The following RGS12 variants were observed in gnomAD, a reference collection of about 807,000 sequenced individuals.
The protein encoded by RGS12 is regulator of G-protein signaling 12.
RGS12 carries 66 observed loss-of-function variants against 120.1 expected under a neutral mutation model. The ratio of observed to expected loss-of-function variants is 0.55; its 90% CI spans 0.45 to 0.67. The LOEUF (loss-of-function observed/expected upper bound fraction) is 0.67, where lower values mean the gene tolerates loss of function less well. Among genes scored for constraint, RGS12 ranks in the 30% least tolerant of loss-of-function variants. The probability of loss-of-function intolerance (pLI) is 0.00; values close to 1 mark genes in which losing one functional copy is unlikely to be tolerated. For synonymous variants in RGS12, 827 were observed against 804.7 expected (o/e 1.03, Z -0.47); for missense variants, 1,859 against 1,957.7 (o/e 0.95, Z 0.95).
intron 16 of RGS12, among the ~76,000 whole-genome samples, chr4:3,429,046 C>T (rs1357552861): frequency 6.6e-6 from 1 of 152,236 alleles, no homozygotes; most frequent in African/African-American, 2.4e-5. Context: ...GTGCCAGGGT[C>T]CCCAGCGTGA....
chr4:3,414,685 G>A (rs544756169), intron 5 of RGS12, 67 bp from the exon 6 acceptor site: 9 of 1,163,160 alleles, frequency 7.7e-6, no homozygotes, highest in African/African-American at 1.5e-5. Flanking sequence ...GGTTTCTGTA[G>A]AAGGGGAAGT....
intron 3 of RGS12, among the ~76,000 whole-genome samples, chr4:3,350,494 C>A (rs559399243): frequency 1.3e-5 from 2 of 152,106 alleles, no homozygotes; most frequent in Admixed American, 1.3e-4. Flanking sequence ...CCAGCCTGGG[C>A]AACATGGCAA....
Position 3,430,851 on chromosome 4 carries a change from T to C in RGS12, c.4010T>C (p.Val1337Ala), listed in dbSNP as rs1211833839. The C allele has an allele frequency of 1.2e-6, 2 of 1,611,956 alleles. No homozygotes were observed. Among genetic ancestry groups the C allele is most frequent in the South Asian group, 1.1e-5 (1 of 90,908 alleles). The change falls in exon 17 of 18, where the codon GTG becomes GCG. Residue 1337 changes from valine (V) to alanine (A), a missense_variant. By Grantham distance (64) the Val-to-Ala change is moderately conservative. Around this residue, in one of 3 missense-constraint regions of RGS12, gnomAD observed 517 missense variants for 488.5 expected, o/e 1.06. Transcript: ENST00000336727. The stretch of plus-strand genomic sequence containing the variant: ...ATCCAGACGGTGGAGGATGAGCACG[T>C]GGCCGAGCTGACCCTGATGGGGGAG... ...GGIQTVEDEH[V>A]AELTLMGEGD...
intron 3 of RGS12, among the ~76,000 whole-genome samples, chr4:3,362,233 A>G (rs1183696577): frequency 1.3e-5 from 2 of 152,178 alleles, no homozygotes; most frequent in African/African-American, 4.8e-5. Context: ...GACCCTGCCC[A>G]AGCCAGGCAG....
chr4:3,427,748 AAAAG>A (rs953964490), intron 14 of RGS12, among the ~76,000 whole-genome samples: 12 of 152,330 alleles, frequency 7.9e-5, no homozygotes, highest in African/African-American at 1.4e-4. Context: ...AAAAAGAAAA[AAAAG>A]AAAGAAAAGA....
At chr4:3,348,892 T>A (rs1285177881) in intron 3 of RGS12, among the ~76,000 whole-genome samples, 1 of 152,166 alleles carries the variant, frequency 6.6e-6, no homozygotes, top group Non-Finnish European at 1.5e-5. Flanking sequence ...CAGATTCACC[T>A]GGAGAGGAAG....
intron 3 of RGS12, among the ~76,000 whole-genome samples, chr4:3,364,115 T>C (rs1300969523): frequency 6.6e-6 from 1 of 152,204 alleles, no homozygotes; most frequent in Non-Finnish European, 1.5e-5. Flanking sequence ...ACCAGGAAAA[T>C]AAGCAGGATT....
At chr4:3,405,123 C>T (rs1384982530) in intron 4 of RGS12, among the ~76,000 whole-genome samples, 3 of 152,322 alleles carry the variant, frequency 2.0e-5, no homozygotes, top group African/African-American at 4.8e-5. Context: ...GAGCAGAATA[C>T]AGCTGAACAG....
intron 2 of RGS12, among the ~76,000 whole-genome samples, chr4:3,339,002 C>T (rs1304705127): frequency 3.9e-5 from 6 of 152,192 alleles, no homozygotes; most frequent in African/African-American, 1.2e-4. Flanking sequence ...TACTGGCCCT[C>T]GTTCCATGAG....
At chr4:3,415,106 G>A (rs1271336347) in intron 6 of RGS12, among the ~76,000 whole-genome samples, 6 of 142,930 alleles carry the variant, frequency 4.2e-5, no homozygotes, top group East Asian at 2.3e-4. Context: ...GTGAGAGGTC[G>A]CGTGTGAGAG....
Position 3,387,305 on chromosome 4 carries a change from C to T in RGS12, c.2020+868C>T, listed in dbSNP as rs922584602. ...TGTGCGTTAAAGAGAAACCAAATGTCGTTCTCTCACTTTCTGTGGTCCTGC... is the reference window on the plus strand; with the variant it reads ...TGTGCGTTAAAGAGAAACCAAATGTTGTTCTCTCACTTTCTGTGGTCCTGC... On this transcript the variant is annotated intron_variant, in intron 4 of 17. Coordinates refer to ENST00000336727, the MANE Select transcript of RGS12 (RefSeq NM_001394154.1). Among the ~76,000 whole-genome samples, 5 of 152,220 alleles carry T rather than the reference C, an allele frequency of 3.3e-5. No individual in the cohort carries two copies. In the South Asian group the frequency reaches 6.2e-4, roughly 19 times the overall value.
intron 3 of RGS12, among the ~76,000 whole-genome samples, chr4:3,375,040 G>C (rs1717491375): frequency 6.6e-6 from 1 of 152,196 alleles, no homozygotes; most frequent in Non-Finnish European, 1.5e-5. Flanking sequence ...GGGCAGAGCA[G>C]TTCATAACCC....
chr4:3,414,855 G>C lies in RGS12; in HGVS notation c.2283+11G>C, dbSNP rs201389750. On this transcript the variant is annotated intron_variant, in intron 6 of 17. Coordinates refer to ENST00000336727, the MANE Select transcript of RGS12 (RefSeq NM_001394154.1). ...CATGACAAAAAGGAGGTAAGTCCAC[G>C]CTTGGGAAGTGGGGGCTGTGTGAGA... 3.3e-5 allele frequency: 52 copies of C among 1,597,644 alleles called. No homozygotes were observed. Among genetic ancestry groups the C allele is most frequent in the Non-Finnish European group, 4.1e-5 (48 of 1,165,068 alleles).
In RGS12 at chr4:3,372,727, C is replaced by G. The variant is rs1447180041; in HGVS notation, c.1999-13689C>G. On this transcript the variant is annotated intron_variant, in intron 3 of 17. Transcript: ENST00000336727. This position sits in a 1 kb window ranked among gnomAD's most constrained non-coding sequence, Gnocchi z 4.3. ...GAAACTTTGTTTCTCAAGGCAAAGC[C>G]CTTTAGAGACTTGGGAGCACATGAG... Among the ~76,000 whole-genome samples the G allele has an allele frequency of 1.3e-5, 2 of 152,302 alleles. No homozygotes were observed. Among genetic ancestry groups the G allele is most frequent in the East Asian group, 1.9e-4 (1 of 5,190 alleles).
intron 2 of RGS12, among the ~76,000 whole-genome samples, chr4:3,339,077 A>C (rs1003994603): frequency 6.6e-6 from 1 of 152,054 alleles, no homozygotes; most frequent in Non-Finnish European, 1.5e-5. Context: ...TCTCCTTTAC[A>C]TCTCCAAAGT....
rs1456014020 is a variant in RGS12, at chr4:3,433,832, GT to G, written c.4114+2878del. 2.6e-5 allele frequency among the ~76,000 whole-genome samples: 4 copies of G among 152,100 alleles called. No individual in the cohort carries two copies. Among genetic ancestry groups the G allele is most frequent in the African/African-American group, 9.7e-5 (4 of 41,434 alleles). On this transcript the variant is annotated intron_variant, in intron 17 of 17. Transcript: ENST00000336727. The surrounding 1 kb of genome is among the most constrained non-coding windows in gnomAD (Gnocchi z 4.4). ...GACCATGCACCATGCAGGCTGGCCG[GT>G]GCCCCCATGCATGTCTGGTCCCGGG...
chr4:3,428,196 T>C (rs1418501164), intron 15 of RGS12, 27 bp downstream of exon 15: 1 of 1,598,682 alleles, frequency 6.3e-7, no homozygotes, highest in South Asian at 1.1e-5. Context: ...GCCCACCCTG[T>C]GCCCTGCTCC....
At chr4:3,329,158 A>G (rs1341336630) in intron 2 of RGS12, among the ~76,000 whole-genome samples, 2 of 152,152 alleles carry the variant, frequency 1.3e-5, no homozygotes, top group African/African-American at 4.8e-5. Flanking sequence ...CTGTGGGTCA[A>G]GAAGAGGAGA....
chr4:3,408,493 T>A (rs972037094), intron 4 of RGS12, among the ~76,000 whole-genome samples: 4 of 152,188 alleles, frequency 2.6e-5, no homozygotes, highest in African/African-American at 7.2e-5. Context: ...CCAGATGGAA[T>A]CGTAAAAATT....
Sources: gnomAD v4.1 joint callset for allele counts (sites outside exome capture counted in the v4.1 genomes callset) on GRCh38, gnomAD v4.1.1 for gene constraint, gnomAD v4.1.1 regional missense constraint, Gnocchi (gnomAD v3.1) non-coding constraint, MANE v1.5 for transcripts, NCBI Gene and HGNC (gene_info 2026-07-23, HGNC 2026-07-21) for gene names.